The following C16orf74 variants were observed in gnomAD, a reference collection of about 807,000 sequenced individuals.
C16orf74 encodes the protein uncharacterized protein C16orf74.
Under a neutral mutation model 6.5 loss-of-function variants are expected in C16orf74, and 10 were observed. The observed-to-expected ratio is 1.54, with a 90% CI of 0.95 to 2.61. The LOEUF is 2.61. Among genes scored for constraint, C16orf74 ranks in the 30% most tolerant of loss-of-function variants. The probability of loss-of-function intolerance (pLI) is 0.00; values close to 1 mark genes in which losing one functional copy is unlikely to be tolerated. For missense variants in C16orf74, 141 were observed against 105.9 expected, an observed-to-expected ratio of 1.33 and a Z score of -1.45; for synonymous variants, 60 against 42.5, an observed-to-expected ratio of 1.41 and a Z score of -1.60.
intron 1 of C16orf74, among the ~76,000 whole-genome samples, chr16:85,737,639 G>T (rs565595911): frequency 9.7e-4 from 148 of 152,290 alleles, no homozygotes; most frequent in African/African-American, 3.4e-3. Context: ...AGAGCAGCCT[G>T]GCCAACATGG....
chr16:85,749,734 C>A (rs533743069), intron 1 of C16orf74, among the ~76,000 whole-genome samples: 1 of 152,260 alleles, frequency 6.6e-6, no homozygotes. Context: ...TGACGGCACG[C>A]TCCCATTTCA....
intron 2 of C16orf74, among the ~76,000 whole-genome samples, chr16:85,719,424 GAGAAC>G (rs2054057036): frequency 6.6e-6 from 1 of 152,116 alleles, no homozygotes. Context: ...GCTGAGCTTT[GAGAAC>G]AGTGCTTGTG....
At chr16:85,735,355 A>C in intron 1 of C16orf74, 120 bp from the exon 2 acceptor site, 1 of 518,666 alleles carries the variant, frequency 1.9e-6, no homozygotes, top group Non-Finnish European at 3.3e-6. Context: ...TGGTGGAGAG[A>C]AACCACCGGC....
intron 1 of C16orf74, among the ~76,000 whole-genome samples, chr16:85,744,613 G>C (rs1309167277): frequency 1.3e-5 from 2 of 151,604 alleles, no homozygotes; most frequent in Admixed American, 1.3e-4. Context: ...GGCGGATCAC[G>C]AGGTCAGGAG....
rs2053956987 is a variant in C16orf74, at chr16:85,710,308, C to G, written c.29-1G>C. 6.6e-7 allele frequency: 1 copy of G among 1,505,822 alleles called. No homozygotes were observed. The highest frequency in any genetic ancestry group is 8.8e-7 in the Non-Finnish European group (1 of 1,138,880). The allele number at this position is 1,505,822 out of a possible 1,614,324, so 93.3% of individuals were successfully genotyped here. A position where few individuals can be genotyped will look rare whatever the true frequency, so the allele number is the denominator to read the frequency against. The stretch of plus-strand genomic sequence containing the variant: ...CTGCTGCTGACACACATTTGAAAGC[C>G]TGAGAAGCCAGGCGTGGAGCACACA... On this transcript the variant is annotated splice_acceptor_variant, in intron 2 of 3. Coordinates refer to ENST00000284245, the MANE Select transcript of C16orf74 (RefSeq NM_206967.3). LOFTEE classifies it high-confidence loss of function.
chr16:85,714,471 A>G (rs957784417), intron 2 of C16orf74, among the ~76,000 whole-genome samples: 3 of 151,640 alleles, frequency 2.0e-5, no homozygotes, highest in Admixed American at 1.3e-4. Context: ...CCAGGCTGGA[A>G]TGCAGTAGCG....
intron 1 of C16orf74, among the ~76,000 whole-genome samples, chr16:85,739,509 C>T (rs768205031): frequency 9.9e-5 from 15 of 152,194 alleles, no homozygotes; most frequent in Non-Finnish European, 2.2e-4. Context: ...CACAGGGAGG[C>T]GTCACCATGA....
rs560168877 is a variant in C16orf74 at position 85,719,361 on chromosome 16, A to G, written c.29-9054T>C. Among the ~76,000 whole-genome samples, 84 of 152,268 alleles carry G rather than the reference A, an allele frequency of 5.5e-4. 2 individuals are homozygous for G. In the South Asian group the frequency reaches 0.017, roughly 30 times the overall value. On this transcript the variant is annotated intron_variant, in intron 2 of 3. Transcript: ENST00000284245. ...CCAAGATTTCAGGGTCAACTGGAGAAAAAGCAGGAGGGTCCCCAGTGATTC... is the reference window on the plus strand; with the variant it reads ...CCAAGATTTCAGGGTCAACTGGAGAGAAAGCAGGAGGGTCCCCAGTGATTC...
chr16:85,716,136 G>A (rs917960071), intron 2 of C16orf74, among the ~76,000 whole-genome samples: 2 of 151,978 alleles, frequency 1.3e-5, no homozygotes, highest in South Asian at 2.1e-4. Context: ...AACACCCCAC[G>A]TTTGCATTTT....
chr16:85,735,600 G>A (rs552685172), intron 1 of C16orf74, among the ~76,000 whole-genome samples: 16 of 152,088 alleles, frequency 1.1e-4, no homozygotes, highest in Non-Finnish European at 2.2e-4. Flanking sequence ...CAGGACGGCC[G>A]CAGCTGCAGA....
chr16:85,742,360 G>A lies in C16orf74; in HGVS notation c.-18-7125C>T, dbSNP rs908602452. 5.3e-5 allele frequency among the ~76,000 whole-genome samples: 8 copies of A among 152,108 alleles called. No homozygotes were observed. In the South Asian group the frequency reaches 1.0e-3, roughly 20 times the overall value. ...TGCACTCCATCCTGGGTGACAGAGC[G>A]AGACTCCGTCTCAGAAAAAATAAAA... On this transcript the variant is annotated intron_variant, in intron 1 of 3. Coordinates refer to ENST00000284245, the MANE Select transcript of C16orf74 (RefSeq NM_206967.3).
chr16:85,728,725 C>T (rs1006446077), intron 2 of C16orf74, among the ~76,000 whole-genome samples: 4 of 152,164 alleles, frequency 2.6e-5, no homozygotes, highest in Non-Finnish European at 4.4e-5. Flanking sequence ...AGAAAACTCT[C>T]GAGACCTGAC....
In C16orf74 at chr16:85,707,951, A is replaced by G; in HGVS notation, c.*57T>C. ...CTGCTCCAGGCAGCCACGCCCCCGGACACCTGAAGCCGGGCCGCTGGAGCA... is the reference window on the plus strand; with the variant it reads ...CTGCTCCAGGCAGCCACGCCCCCGGGCACCTGAAGCCGGGCCGCTGGAGCA... On this transcript the variant is annotated 3_prime_UTR_variant, in exon 4 of 4. Coordinates refer to ENST00000284245, the MANE Select transcript of C16orf74 (RefSeq NM_206967.3). 2 of 1,472,714 alleles carry G rather than the reference A, an allele frequency of 1.4e-6. No homozygotes were observed. The highest frequency in any genetic ancestry group is 1.9e-6 in the Non-Finnish European group (2 of 1,078,470). 91.2% of individuals were successfully genotyped at this position (1,472,714 alleles called of 1,614,324 possible). A position where few individuals can be genotyped will look rare whatever the true frequency, so the allele number is the denominator to read the frequency against.
At chr16:85,749,172 T>C (rs560412468) in intron 1 of C16orf74, among the ~76,000 whole-genome samples, 3 of 152,266 alleles carry the variant, frequency 2.0e-5, no homozygotes, top group East Asian at 3.9e-4. Flanking sequence ...GTAAGAGCAA[T>C]TCAGTACCAC....
chr16:85,723,131 A>G (rs539408474), intron 2 of C16orf74, among the ~76,000 whole-genome samples: 1 of 152,156 alleles, frequency 6.6e-6, no homozygotes, highest in African/African-American at 2.4e-5. Flanking sequence ...GTGGTGGTGC[A>G]TGCCTGTAAT....
At chr16:85,712,452 C>T (rs1044204990) in intron 2 of C16orf74, among the ~76,000 whole-genome samples, 5 of 152,234 alleles carry the variant, frequency 3.3e-5, no homozygotes, top group African/African-American at 7.2e-5. Flanking sequence ...ATCTCATACC[C>T]GGCTGTGGGG....
At position 85,715,364 on chromosome 16, in the gene C16orf74, C is replaced by G. The variant is rs1043422114; in HGVS notation, c.29-5057G>C. Among the ~76,000 whole-genome samples, 7 of 152,168 alleles carry G rather than the reference C, an allele frequency of 4.6e-5. 1 individual carries two copies. In the East Asian group the frequency reaches 5.8e-4, roughly 13 times the overall value. On this transcript the variant is annotated intron_variant, in intron 2 of 3. Transcript: ENST00000284245. The stretch of plus-strand genomic sequence containing the variant: ...TCCATGGCCACCGTGCTCGGTGTCA[C>G]CAGCCCCATCTTACAAATGTGGAAA...
chr16:85,737,370 C>A (rs2054256305), intron 1 of C16orf74, among the ~76,000 whole-genome samples: 1 of 152,224 alleles, frequency 6.6e-6, no homozygotes, highest in Admixed American at 6.5e-5. Flanking sequence ...GAGCTGGGCA[C>A]TGCAGCCTCC....
At chr16:85,717,319 T>A (rs1467005645) in intron 2 of C16orf74, among the ~76,000 whole-genome samples, 1 of 152,126 alleles carries the variant, frequency 6.6e-6, no homozygotes, top group Non-Finnish European at 1.5e-5. Context: ...ACATCACCTA[T>A]CCAGGGCCTC....
Sources: gnomAD v4.1 joint callset for allele counts (sites outside exome capture counted in the v4.1 genomes callset) on GRCh38, gnomAD v4.1.1 for gene constraint, MANE v1.5 for transcripts, NCBI Gene and HGNC (gene_info 2026-07-23, HGNC 2026-07-21) for gene names.